Variants in CNTNAP2 observed in about 807,000 individuals in gnomAD.
The protein encoded by CNTNAP2 is contactin-associated protein-like 2.
CNTNAP2 carries 98 observed loss-of-function variants against 155.2 expected under a neutral mutation model. The observed-to-expected ratio is 0.63, with a 90% confidence interval of 0.54 to 0.75. The LOEUF (loss-of-function observed/expected upper bound fraction) is 0.75, where lower values mean the gene tolerates loss of function less well. Ranked by LOEUF, CNTNAP2 falls within the 30% of genes least tolerant of loss-of-function variation. CNTNAP2 has a pLI of 0.00. For missense variants in CNTNAP2, 1,727 were observed against 1,688.1 expected (o/e 1.02, Z -0.40); for synonymous variants, 651 against 631.2 (o/e 1.03, Z -0.47).
Position 147,962,209 on chromosome 7 carries a change from T to C in CNTNAP2, c.2256-15653T>C, listed in dbSNP as rs374089086. Among the ~76,000 whole-genome samples, 200 of 152,354 alleles carry C rather than the reference T, an allele frequency of 1.3e-3. 6 individuals carry two copies. In the South Asian group the frequency reaches 0.04, roughly 30 times the overall value. On this transcript the variant is annotated intron_variant, in intron 14 of 23. Transcript: ENST00000361727. ...TGAATTAATAAGGAAGCAAATTCTATATGAAAATGATAACAAGTTTATGAG... is the reference window on the plus strand; with the variant it reads ...TGAATTAATAAGGAAGCAAATTCTACATGAAAATGATAACAAGTTTATGAG...
intron 2 of CNTNAP2, among the ~76,000 whole-genome samples, chr7:146,828,412 G>A (rs951594975): frequency 5.9e-5 from 9 of 151,884 alleles, no homozygotes; most frequent in African/African-American, 9.7e-5. Flanking sequence ...AATAAAGAAC[G>A]CAGTCCAATC....
intron 3 of CNTNAP2, among the ~76,000 whole-genome samples, chr7:146,981,776 C>G (rs1260173026): frequency 2.0e-5 from 3 of 151,968 alleles, no homozygotes; most frequent in African/African-American, 7.2e-5. Flanking sequence ...AGGCTTAAAA[C>G]AAAACGATTA....
intron 21 of CNTNAP2, among the ~76,000 whole-genome samples, chr7:148,353,390 G>A (rs965886845): frequency 3.3e-5 from 5 of 152,124 alleles, no homozygotes; most frequent in Non-Finnish European, 7.4e-5. Flanking sequence ...CCTGGAACTC[G>A]AGGGCAGCAT....
chr7:147,864,149 T>C (rs906306172), intron 13 of CNTNAP2, among the ~76,000 whole-genome samples: 5 of 152,196 alleles, frequency 3.3e-5, no homozygotes, highest in Admixed American at 1.3e-4. Context: ...TACATATGGC[T>C]AGCCAGTTTT....
chr7:147,168,053 G>C (rs1056368545), intron 8 of CNTNAP2, among the ~76,000 whole-genome samples: 1 of 147,528 alleles, frequency 6.8e-6, no homozygotes, highest in African/African-American at 2.5e-5. Context: ...TATATAAAAT[G>C]TATATAAACA....
intron 8 of CNTNAP2, among the ~76,000 whole-genome samples, chr7:147,144,544 T>C (rs1801663403): frequency 6.6e-6 from 1 of 152,128 alleles, no homozygotes; most frequent in Non-Finnish European, 1.5e-5. Flanking sequence ...TTTCTAATCT[T>C]TTTCTCTCCA....
At chr7:146,120,219 G>A (rs1024418770) in intron 1 of CNTNAP2, among the ~76,000 whole-genome samples, 1 of 152,092 alleles carries the variant, frequency 6.6e-6, no homozygotes, top group South Asian at 2.1e-4. Context: ...AATACTGCTG[G>A]TTTATAGAGA....
intron 3 of CNTNAP2, among the ~76,000 whole-genome samples, chr7:146,900,422 G>A (rs1291201330): frequency 2.0e-5 from 3 of 152,188 alleles, no homozygotes; most frequent in African/African-American, 2.4e-5. Flanking sequence ...TTTTTCAAGA[G>A]GGAAAGCAGT....
At chr7:147,629,766 A>G (rs902814478) in intron 12 of CNTNAP2, among the ~76,000 whole-genome samples, 5 of 152,092 alleles carry the variant, frequency 3.3e-5, no homozygotes, top group African/African-American at 1.2e-4. Context: ...AAATTTAAAA[A>G]TTGAGCTGAT....
chr7:146,938,277 C>T (rs539279395), intron 3 of CNTNAP2, among the ~76,000 whole-genome samples: 79 of 151,850 alleles, frequency 5.2e-4, no homozygotes, highest in African/African-American at 1.7e-3. Flanking sequence ...AAATTAAGAG[C>T]GTCCTAAAAT....
intron 15 of CNTNAP2, among the ~76,000 whole-genome samples, chr7:148,107,963 C>G (rs4726922): frequency 0.31 from 47,466 of 152,068 alleles, 9,242 homozygotes; most frequent in East Asian, 0.67. Context: ...CCACTGGAGC[C>G]AGCCTGGCAG....
chr7:146,375,949 A>G (rs1417497349), intron 1 of CNTNAP2, among the ~76,000 whole-genome samples: 1 of 152,146 alleles, frequency 6.6e-6, no homozygotes, highest in African/African-American at 2.4e-5. Flanking sequence ...CCTTCACCCT[A>G]ACAGAAAAAA....
At chr7:147,112,020 T>C (rs537515952) in intron 5 of CNTNAP2, among the ~76,000 whole-genome samples, 110 of 152,304 alleles carry the variant, frequency 7.2e-4, no homozygotes, top group African/African-American at 2.3e-3. Context: ...TGGAATGTTT[T>C]TCCATTTATT....
intron 11 of CNTNAP2, among the ~76,000 whole-genome samples, chr7:147,491,576 C>T (rs1218432864): frequency 6.6e-6 from 1 of 152,184 alleles, no homozygotes; most frequent in African/African-American, 2.4e-5. Flanking sequence ...GGAGGTGGTG[C>T]CACATTTCAT....
chr7:147,097,272 G>A (rs527728801), intron 4 of CNTNAP2, among the ~76,000 whole-genome samples: 1 of 152,166 alleles, frequency 6.6e-6, no homozygotes, highest in African/African-American at 2.4e-5. Context: ...GAACATTAAT[G>A]ATTTTACAAG....
chr7:147,599,072 C>T (rs200615202), intron 12 of CNTNAP2, among the ~76,000 whole-genome samples: 4 of 152,076 alleles, frequency 2.6e-5, no homozygotes, highest in Non-Finnish European at 5.9e-5. Context: ...TAAACTGTCC[C>T]AATATATAAG....
intron 4 of CNTNAP2, among the ~76,000 whole-genome samples, chr7:147,067,870 C>A (rs1799812520): frequency 6.6e-6 from 1 of 152,182 alleles, no homozygotes; most frequent in African/African-American, 2.4e-5. Context: ...GTGTTAGTTT[C>A]TTATATGGCA....
intron 12 of CNTNAP2, among the ~76,000 whole-genome samples, chr7:147,635,295 T>A (rs868838861): frequency 1.3e-5 from 2 of 151,924 alleles, no homozygotes; most frequent in Admixed American, 6.6e-5. Context: ...ATCGAATTTT[T>A]AAAACTAACT....
intron 3 of CNTNAP2, among the ~76,000 whole-genome samples, chr7:146,880,046 C>T (rs1286331648): frequency 6.6e-6 from 1 of 152,056 alleles, no homozygotes; most frequent in Non-Finnish European, 1.5e-5. Context: ...ATACCACTCC[C>T]ATGATTCAAT....
Sources: allele counts gnomAD v4.1 joint callset (sites outside exome capture counted in the v4.1 genomes callset), GRCh38; gene constraint gnomAD v4.1.1; transcripts MANE v1.5; gene names NCBI Gene and HGNC (gene_info 2026-07-23, HGNC 2026-07-21).